The following AKAP6 variants were observed in gnomAD, a reference collection of about 807,000 sequenced individuals.
AKAP6 encodes the protein A-kinase anchoring protein 6, also known as A-kinase anchor protein 6.
A neutral mutation model predicts 188.5 loss-of-function variants in AKAP6; 58 were observed. The observed-to-expected ratio is 0.31, with a 90% CI of 0.25 to 0.38. The LOEUF (loss-of-function observed/expected upper bound fraction) is 0.38. AKAP6 is among the 10% of genes least tolerant of loss of function. The pLI is 1.00. For missense variants in AKAP6, 2,710 were observed against 2,740.0 expected (o/e 0.99, Z 0.24); for synonymous variants, 989 against 998.6 (o/e 0.99, Z 0.18).
At chr14:32,534,822 G>A (rs750359389) in intron 2 of AKAP6, among the ~76,000 whole-genome samples, 41 of 151,966 alleles carry the variant, frequency 2.7e-4, no homozygotes, top group Middle Eastern at 3.4e-3. Context: ...AAAAATTAGC[G>A]GGGCGTGTGG....
At chr14:32,462,123 C>T (rs1050234463) in intron 2 of AKAP6, among the ~76,000 whole-genome samples, 1 of 152,024 alleles carries the variant, frequency 6.6e-6, no homozygotes, top group Non-Finnish European at 1.5e-5. Context: ...CTGAAAGTGG[C>T]AGGGAGAATG....
intron 4 of AKAP6, among the ~76,000 whole-genome samples, chr14:32,553,156 TTTTTTCTTTTC>T (rs371750746): frequency 0.027 from 4,111 of 150,310 alleles, 145 homozygotes; most frequent in African/African-American, 0.096. Flanking sequence ...TTTTCTTTTC[TTTTTTCTTTTC>T]TTTTTTTTTT....
chr14:32,404,270 A>G (rs1033516866), intron 1 of AKAP6, among the ~76,000 whole-genome samples: 3 of 152,158 alleles, frequency 2.0e-5, no homozygotes, highest in Non-Finnish European at 2.9e-5. Flanking sequence ...CATTAGCCTT[A>G]ATATTAACCC....
At chr14:32,800,187 CACATATATAT>C (rs1235689978) in intron 12 of AKAP6, among the ~76,000 whole-genome samples, 3 of 145,052 alleles carry the variant, frequency 2.1e-5, no homozygotes, top group African/African-American at 7.6e-5. Context: ...TATATATATA[CACATATATAT>C]ACATATATAT....
At position 32,836,664 on chromosome 14, in the gene AKAP6, C is replaced by A. The variant is rs1437163504; in HGVS notation, c.*6859C>A. ...TCTAATTCATACTCAAAAAAGTATT[C>A]CAAAATTTTGGTACTCTATTATGGG... On this transcript the variant is annotated 3_prime_UTR_variant, in exon 14 of 14. Transcript: ENST00000280979. 6.6e-6 allele frequency: 1 copy of A among 152,058 alleles called. No homozygotes were observed. Among genetic ancestry groups the A allele is most frequent in the Non-Finnish European group, 1.5e-5 (1 of 68,026 alleles). 9.4% of individuals were successfully genotyped at this position (152,058 alleles called of 1,614,324 possible).
At chr14:32,398,524 A>C (rs1280352844) in intron 1 of AKAP6, among the ~76,000 whole-genome samples, 7 of 152,296 alleles carry the variant, frequency 4.6e-5, no homozygotes, top group Non-Finnish European at 7.4e-5. Context: ...AATGTGATGG[A>C]TGTGGTTTGA....
chr14:32,811,393 TACTC>T, intron 12 of AKAP6, among the ~76,000 whole-genome samples: 1 of 152,260 alleles, frequency 6.6e-6, no homozygotes, highest in Middle Eastern at 3.4e-3. Flanking sequence ...ACAAAAATCA[TACTC>T]TATTTATTTG....
chr14:32,768,762 A>C (rs1350173095), intron 11 of AKAP6, among the ~76,000 whole-genome samples: 1 of 152,170 alleles, frequency 6.6e-6, no homozygotes, highest in African/African-American at 2.4e-5. Flanking sequence ...CTCAAACTTT[A>C]GCATGTATTG....
At chr14:32,787,990 G>A (rs56081934) in intron 12 of AKAP6, among the ~76,000 whole-genome samples, 15,163 of 135,216 alleles carry the variant, frequency 0.11, 909 homozygotes, top group Middle Eastern at 0.18. Flanking sequence ...GCAATGAGCC[G>A]TAATTATACC....
chr14:32,570,124 C>CTTTTTT (rs60851991), intron 4 of AKAP6, among the ~76,000 whole-genome samples: 22 of 74,810 alleles, frequency 2.9e-4, no homozygotes, highest in East Asian at 4.9e-4. Flanking sequence ...TGTGTGGGAA[C>CTTTTTT]TTTTTTTTTT....
Position 32,504,340 on chromosome 14 carries a change from G to T in AKAP6, c.325-31214G>T, listed in dbSNP as rs1880755779. Among the ~76,000 whole-genome samples the T allele has an allele frequency of 3.9e-5, 6 of 152,232 alleles. No homozygotes were observed. In the South Asian group the frequency reaches 1.2e-3, roughly 32 times the overall value. ...CTGTTGTCCAGGCTTGAGTGTGGTG[G>T]CATGATCTTGGGTCATGGCAACCTT... On this transcript the variant is annotated intron_variant, in intron 2 of 13. Coordinates refer to ENST00000280979, the MANE Select transcript of AKAP6 (RefSeq NM_004274.5).
At chr14:32,435,867 T>C (rs1890361467) in intron 2 of AKAP6, among the ~76,000 whole-genome samples, 1 of 152,256 alleles carries the variant, frequency 6.6e-6, no homozygotes, top group African/African-American at 2.4e-5. Flanking sequence ...TTTGGTTATA[T>C]CGCTTAATCT....
intron 7 of AKAP6, among the ~76,000 whole-genome samples, chr14:32,667,372 T>C (rs1272446862): frequency 6.6e-6 from 1 of 152,034 alleles, no homozygotes; most frequent in Non-Finnish European, 1.5e-5. Context: ...ACTGACACAC[T>C]GTTATGATTG....
At chr14:32,776,476 C>G (rs571870391) in intron 12 of AKAP6, among the ~76,000 whole-genome samples, 2 of 152,096 alleles carry the variant, frequency 1.3e-5, no homozygotes, top group Non-Finnish European at 2.9e-5. Context: ...GTTCATTAAA[C>G]CTCTTTTTCT....
At chr14:32,759,838 C>G (rs764570477) in intron 11 of AKAP6, among the ~76,000 whole-genome samples, 4 of 152,164 alleles carry the variant, frequency 2.6e-5, no homozygotes, top group Non-Finnish European at 5.9e-5. Flanking sequence ...CCCCATGACC[C>G]AAACACCTCC....
intron 7 of AKAP6, among the ~76,000 whole-genome samples, chr14:32,603,011 A>G (rs1229038664): frequency 6.6e-6 from 1 of 152,150 alleles, no homozygotes; most frequent in Non-Finnish European, 1.5e-5. Context: ...GCCTTTACAG[A>G]TTGTGATGTG....
At chr14:32,692,334 T>C (rs1215736975) in intron 8 of AKAP6, among the ~76,000 whole-genome samples, 2 of 152,114 alleles carry the variant, frequency 1.3e-5, no homozygotes, top group African/African-American at 2.4e-5. Context: ...CTTCAGAACA[T>C]TTTATTATTT....
chr14:32,561,815 A>G lies in AKAP6; in HGVS notation c.2346+14816A>G, dbSNP rs140663447. On this transcript the variant is annotated intron_variant, in intron 4 of 13. Transcript: ENST00000280979. ...GGATTAGCCTGAATTTATGGCAAAT[A>G]AGGTCAGCTAAGTGAAGCAGTTAAA... 2.5e-3 allele frequency among the ~76,000 whole-genome samples: 376 copies of G among 152,356 alleles called. 1 individual carries two copies. Among genetic ancestry groups the G allele is most frequent in the African/African-American group, 8.6e-3 (357 of 41,588 alleles).
At chr14:32,400,580 G>C (rs202176486) in intron 1 of AKAP6, among the ~76,000 whole-genome samples, 1 of 19,614 alleles carries the variant, frequency 5.1e-5, no homozygotes, top group Non-Finnish European at 1.2e-4. Flanking sequence ...AAAAAAAAAA[G>C]ACAGTAAGCA....
Sources: allele counts gnomAD v4.1 joint callset (sites outside exome capture counted in the v4.1 genomes callset), GRCh38; gene constraint gnomAD v4.1.1; transcripts MANE v1.5; gene names NCBI Gene and HGNC (gene_info 2026-07-23, HGNC 2026-07-21).